PINX1: variants seen among roughly 807,000 people sequenced by gnomAD.
PINX1 encodes the protein PIN2 (TERF1) interacting telomerase inhibitor 1, also known as PIN2/TERF1-interacting telomerase inhibitor 1.
PINX1 carries 34 observed loss-of-function variants against 25.4 expected under a neutral mutation model. The observed-to-expected ratio is 1.34, with a 90% confidence interval of 1.02 to 1.78. The LOEUF (loss-of-function observed/expected upper bound fraction) is 1.78, where lower values mean the gene tolerates loss of function less well. PINX1 is among the 40% of genes most tolerant of loss of function. PINX1 has a pLI of 0.00. For synonymous variants in PINX1, 197 were observed against 147.7 expected (o/e 1.33, Z -2.42); for missense variants, 592 against 404.9 (o/e 1.46, Z -3.97).
At chr8:10,833,127 G>C in intron 2 of PINX1, 143 bp from the exon 3 acceptor site, 1 of 561,524 alleles carries the variant, frequency 1.8e-6, no homozygotes, top group Non-Finnish European at 3.2e-6. Flanking sequence ...AAAGCAACAT[G>C]GGGGAGGACT....
At chr8:10,785,471 A>G (rs1369320700) in intron 6 of PINX1, among the ~76,000 whole-genome samples, 1 of 152,238 alleles carries the variant, frequency 6.6e-6, no homozygotes, top group Non-Finnish European at 1.5e-5. Flanking sequence ...AAGGCACAGG[A>G]AAATGTTTAT....
intron 1 of PINX1, among the ~76,000 whole-genome samples, chr8:10,836,418 C>T (rs1798408629): frequency 6.6e-6 from 1 of 152,220 alleles, no homozygotes; most frequent in African/African-American, 2.4e-5. Flanking sequence ...ATTCTATATG[C>T]AAGCTGGCAT....
At chr8:10,766,538 C>T (rs746718314) in intron 6 of PINX1, among the ~76,000 whole-genome samples, 2 of 152,144 alleles carry the variant, frequency 1.3e-5, no homozygotes, top group Admixed American at 6.5e-5. Flanking sequence ...GTGGAGACTC[C>T]GCGTGTCTCA....
chr8:10,769,412 T>G (rs1435834401), intron 6 of PINX1, among the ~76,000 whole-genome samples: 2 of 152,210 alleles, frequency 1.3e-5, no homozygotes, highest in Admixed American at 1.3e-4. Flanking sequence ...AAATGGTAAG[T>G]GGGCCTTAAT....
chr8:10,784,753 G>C (rs1394579986), intron 6 of PINX1, among the ~76,000 whole-genome samples: 1 of 152,214 alleles, frequency 6.6e-6, no homozygotes, highest in Non-Finnish European at 1.5e-5. Flanking sequence ...AAGGAGCCTG[G>C]ACTAAAGTTA....
chr8:10,818,740 G>C (rs985691498), intron 6 of PINX1, among the ~76,000 whole-genome samples: 2 of 152,124 alleles, frequency 1.3e-5, no homozygotes, highest in African/African-American at 4.8e-5. Flanking sequence ...GGCTCAGGGT[G>C]TGATCGTGGG....
chr8:10,834,751 A>G lies in PINX1; in HGVS notation c.44T>C (p.Val15Ala). The G allele has an allele frequency of 6.2e-7, 1 of 1,613,798 alleles. No individual in the cohort carries two copies. Among genetic ancestry groups the G allele is most frequent in the African/African-American group, 1.3e-5 (1 of 75,048 alleles). Residue 15 changes from valine (V) to alanine (A), a missense_variant, in exon 2 of 7, where the codon GTG (valine) becomes GCG (alanine). Val to Ala is a moderately conservative substitution (Grantham distance 64). Transcript: ENST00000314787. Reference sequence around the variant, plus strand: ...ACTCCAGGCAGTGTTCTGAGGATCCACAGCCCACTTCTGCTTCCGCCGACC... The same window carrying G: ...ACTCCAGGCAGTGTTCTGAGGATCCGCAGCCCACTTCTGCTTCCGCCGACC... ...AERRRKQKWAVDPQNTAWSND... is the reference protein window; with the variant it reads ...AERRRKQKWAADPQNTAWSND...
At chr8:10,780,530 A>T (rs1287062419) in intron 6 of PINX1, among the ~76,000 whole-genome samples, 2 of 152,164 alleles carry the variant, frequency 1.3e-5, no homozygotes, top group African/African-American at 4.8e-5. Flanking sequence ...CAGTTAAACC[A>T]GCCTTGCACG....
At chr8:10,791,986 G>C (rs542971244) in intron 6 of PINX1, among the ~76,000 whole-genome samples, 1 of 152,280 alleles carries the variant, frequency 6.6e-6, no homozygotes, top group African/African-American at 2.4e-5. Flanking sequence ...TGGCAGTGAT[G>C]AGACTCTTAA....
intron 6 of PINX1, among the ~76,000 whole-genome samples, chr8:10,766,490 G>T (rs964430987): frequency 1.3e-5 from 2 of 152,218 alleles, no homozygotes; most frequent in Non-Finnish European, 2.9e-5. Context: ...AAGGTGGAGC[G>T]TGGCCGCTCT....
intron 6 of PINX1, among the ~76,000 whole-genome samples, chr8:10,801,142 C>G (rs1329012290): frequency 6.6e-6 from 1 of 152,204 alleles, no homozygotes; most frequent in East Asian, 1.9e-4. Context: ...ACAAAAACCT[C>G]AGTGAACTCT....
intron 6 of PINX1, among the ~76,000 whole-genome samples, chr8:10,819,989 T>A (rs1235518352): frequency 6.6e-6 from 1 of 152,160 alleles, no homozygotes; most frequent in Non-Finnish European, 1.5e-5. Flanking sequence ...AAAACACTTA[T>A]TCTTTTTTTT....
chr8:10,782,738 A>T (rs1039970530), intron 6 of PINX1, among the ~76,000 whole-genome samples: 3 of 151,838 alleles, frequency 2.0e-5, no homozygotes, highest in Non-Finnish European at 4.4e-5. Flanking sequence ...CTGTCCAGAT[A>T]AAAAAAAGTA....
chr8:10,770,315 C>T (rs1032794974), intron 6 of PINX1, among the ~76,000 whole-genome samples: 2 of 152,210 alleles, frequency 1.3e-5, no homozygotes, highest in African/African-American at 4.8e-5. Flanking sequence ...AGAATCTTAA[C>T]GCCATCTCTG....
chr8:10,793,984 A>G (rs1802005088), intron 6 of PINX1, among the ~76,000 whole-genome samples: 1 of 152,250 alleles, frequency 6.6e-6, no homozygotes, highest in Non-Finnish European at 1.5e-5. Context: ...ACGCTGCTCA[A>G]CATAGCATTT....
At position 10,839,804 on chromosome 8, in the gene PINX1, C is replaced by T; in HGVS notation, c.-48G>A. 6.3e-7 allele frequency: 1 copy of T among 1,579,006 alleles called. No homozygotes were observed. On this transcript the variant is annotated 5_prime_UTR_variant, in exon 1 of 7. Coordinates refer to ENST00000314787, the MANE Select transcript of PINX1 (RefSeq NM_017884.6). ...CGCCTCTGGACCTGGGTGACTGCGGCCACTGGGCGGGCTGGAGACTCCAGG... is the reference window on the plus strand; with the variant it reads ...CGCCTCTGGACCTGGGTGACTGCGGTCACTGGGCGGGCTGGAGACTCCAGG...
chr8:10,826,583 A>G (rs1798052842), intron 4 of PINX1, among the ~76,000 whole-genome samples: 1 of 152,218 alleles, frequency 6.6e-6, no homozygotes, highest in South Asian at 2.1e-4. Context: ...GCAAAATACC[A>G]AAAATCACCC....
chr8:10,820,207 T>C lies in PINX1; in HGVS notation c.457A>G (p.Lys153Glu). 2 of 1,610,036 alleles carry C rather than the reference T, an allele frequency of 1.2e-6. No homozygotes were observed. The highest frequency in any genetic ancestry group is 1.7e-6 in the Non-Finnish European group (2 of 1,176,454). The change falls in exon 6 of 7, where the codon AAG becomes GAG. Residue 153 changes from lysine to glutamate, a missense_variant. Transcript: ENST00000314787. ...TGGCTTTATACCTCGGGAGTCTTCT[T>C]ACTCTGTCTTTTCCCAAAAATGCAG... ...LDCIFGKRQS[K>E]KTPEGDASPS...
chr8:10,836,832 C>T lies in PINX1; in HGVS notation c.20-2057G>A, dbSNP rs1448423278. Among the ~76,000 whole-genome samples the T allele has an allele frequency of 2.0e-5, 3 of 152,356 alleles. No homozygotes were observed. The East Asian group carries it at 5.8e-4, about 29-fold the overall frequency. ...GCCAGAGCAGGCCTGCCATGCTTCC[C>T]AGACTTCACTTGACCAGAACCCTGC... On this transcript the variant is annotated intron_variant, in intron 1 of 6. Transcript: ENST00000314787.
Sources: gnomAD v4.1 joint callset for allele counts (sites outside exome capture counted in the v4.1 genomes callset) on GRCh38, gnomAD v4.1.1 for gene constraint, MANE v1.5 for transcripts, NCBI Gene and HGNC (gene_info 2026-07-23, HGNC 2026-07-21) for gene names.